The following ZNFX1 variants were observed in gnomAD, a reference collection of about 807,000 sequenced individuals.
ZNFX1 encodes the protein NFX1-type zinc finger-containing protein 1.
Under a neutral mutation model 179.8 loss-of-function variants are expected in ZNFX1, and 78 were observed. The ratio of observed to expected loss-of-function variants is 0.43; its 90% confidence interval spans 0.36 to 0.52. The LOEUF (loss-of-function observed/expected upper bound fraction) is 0.52, where lower values mean the gene tolerates loss of function less well. Ranked by LOEUF, ZNFX1 falls within the 20% of genes least tolerant of loss-of-function variation. ZNFX1 has a pLI of 0.00. For synonymous variants in ZNFX1, 848 were observed against 868.5 expected (o/e 0.98, Z 0.42); for missense variants, 1,927 against 2,386.6 (o/e 0.81, Z 4.01).
intron 5 of ZNFX1, 108 bp downstream of exon 5, chr20:49,264,608 G>T: frequency 7.1e-7 from 1 of 1,402,200 alleles, no homozygotes; most frequent in Non-Finnish European, 9.8e-7. Flanking sequence ...GTCCTCCAGA[G>T]CTTTGAGGAG....
At chr20:49,274,614 C>T (rs1293988713) in intron 2 of ZNFX1, among the ~76,000 whole-genome samples, 1 of 152,066 alleles carries the variant, frequency 6.6e-6, no homozygotes, top group Non-Finnish European at 1.5e-5. Context: ...CGAAAATTAG[C>T]TGGGCATGGT....
In ZNFX1 at chr20:49,252,788, T is replaced by G; in HGVS notation, c.3148A>C (p.Asn1050His). Residue 1050 changes from asparagine to histidine, a missense_variant, in exon 12 of 14, where the codon AAC becomes CAC. Coordinates refer to ENST00000396105, the MANE Select transcript of ZNFX1 (RefSeq NM_021035.3). Reference sequence around the variant, plus strand: ...CGTTCAAAAAGGGACACCTCAAGGTTGAAGTTCTTGGCCAGATCATACACG... The same window carrying G: ...CGTTCAAAAAGGGACACCTCAAGGTGGAAGTTCTTGGCCAGATCATACACG... Reference protein sequence around the residue: ...ANVYDLAKNFNLEVSLFERLV... With the variant: ...ANVYDLAKNFHLEVSLFERLV... The G allele has an allele frequency of 6.2e-7, 1 of 1,614,084 alleles. No homozygotes were observed. The highest frequency in any genetic ancestry group is 8.5e-7 in the Non-Finnish European group (1 of 1,180,012).
chr20:49,276,494 G>A (rs1427632244), intron 1 of ZNFX1, among the ~76,000 whole-genome samples: 1 of 152,212 alleles, frequency 6.6e-6, no homozygotes, highest in Admixed American at 6.5e-5. Flanking sequence ...ATAACCAGGA[G>A]GTTTGGCAAC....
intron 2 of ZNFX1, among the ~76,000 whole-genome samples, chr20:49,272,421 C>T (rs112739912): frequency 3.1e-4 from 47 of 152,212 alleles, no homozygotes; most frequent in African/African-American, 1.1e-3. Flanking sequence ...GTGATCCACC[C>T]GCCTCAGCCT....
Position 49,249,684 on chromosome 20 carries a change from C to T in ZNFX1, c.3340G>A (p.Glu1114Lys). The T allele has an allele frequency of 6.2e-7, 1 of 1,613,012 alleles. No homozygotes were observed. The highest frequency in any genetic ancestry group is 8.5e-7 in the Non-Finnish European group (1 of 1,179,148). Residue 1114 changes from glutamate to lysine, a missense_variant, in exon 14 of 14, where the codon GAA (glutamate) becomes AAA (lysine). Coordinates refer to ENST00000396105, the MANE Select transcript of ZNFX1 (RefSeq NM_021035.3). ...KGVSSNLFFVEHNFPEQEIQE... is the reference protein window; with the variant it reads ...KGVSSNLFFVKHNFPEQEIQE... ...ATTTCCTGTTCAGGAAAGTTGTGTT[C>T]TACAAAGAAAAGGTTGGAAGACACC...
chr20:49,254,674 AAGAAAG>A (rs1232348838), intron 9 of ZNFX1, 25 bp from the exon 10 acceptor site: 2 of 1,609,510 alleles, frequency 1.2e-6, no homozygotes, highest in Non-Finnish European at 1.7e-6. Context: ...GAACCAAGGA[AAGAAAG>A]CCACATGCTC....
At position 49,275,784 on chromosome 20, in the gene ZNFX1, T is replaced by C. The variant is rs775083255; in HGVS notation, c.56A>G (p.His19Arg). 3 of 1,614,188 alleles carry C rather than the reference T, an allele frequency of 1.9e-6. No homozygotes were observed. Among genetic ancestry groups the C allele is most frequent in the Non-Finnish European group, 2.5e-6 (3 of 1,180,010 alleles). ...AGGTAGGAAACCTTGCTTACCTCTGTGGTTGGTATGGGAATTCCTGGGCCT... is the reference window on the plus strand; with the variant it reads ...AGGTAGGAAACCTTGCTTACCTCTGCGGTTGGTATGGGAATTCCTGGGCCT... ...DARPRNSHTNHRGPVDGELPP... is the reference protein window; with the variant it reads ...DARPRNSHTNRRGPVDGELPP... Residue 19 changes from histidine (H) to arginine (R), a missense_variant, in exon 2 of 14, where the codon CAC becomes CGC. Physicochemically the swap from His to Arg is conservative, Grantham distance 29 (BLOSUM62 0). Transcript: ENST00000396105.
intron 3 of ZNFX1, among the ~76,000 whole-genome samples, chr20:49,269,233 C>A (rs238184): frequency 0.68 from 104,152 of 152,124 alleles, 36,595 homozygotes; most frequent in Non-Finnish European, 0.78. Flanking sequence ...GGAGGCCATT[C>A]TCCAAAGCAA....
At chr20:49,265,495 T>C (rs1981213898) in intron 4 of ZNFX1, among the ~76,000 whole-genome samples, 1 of 152,186 alleles carries the variant, frequency 6.6e-6, no homozygotes, top group African/African-American at 2.4e-5. Context: ...GGGGTAGGGA[T>C]CTATTTTTAA....
chr20:49,275,673 TGA>T, intron 2 of ZNFX1, 104 bp downstream of exon 2: 1 of 1,083,162 alleles, frequency 9.2e-7, no homozygotes, highest in Non-Finnish European at 1.4e-6. Context: ...ATTCTTTACT[TGA>T]GAGATGCAGA....
intron 9 of ZNFX1, among the ~76,000 whole-genome samples, chr20:49,255,192 G>A (rs238219): frequency 0.68 from 102,637 of 151,690 alleles, 35,540 homozygotes; most frequent in Non-Finnish European, 0.76. Context: ...TATAGGCACC[G>A]GCCACCACGC....
intron 3 of ZNFX1, among the ~76,000 whole-genome samples, chr20:49,267,413 T>C (rs545780022): frequency 2.6e-5 from 4 of 151,442 alleles, no homozygotes; most frequent in East Asian, 2.0e-4. Context: ...GATCCTCCCA[T>C]CTCAGCCTCC....
chr20:49,266,102 T>C (rs1370330345), intron 4 of ZNFX1, 33 bp downstream of exon 4: 2 of 1,600,412 alleles, frequency 1.2e-6, no homozygotes, highest in Admixed American at 1.8e-5. Flanking sequence ...CATCAACATC[T>C]TGATAGAGAA....
At chr20:49,276,667 T>C (rs978563394) in intron 1 of ZNFX1, among the ~76,000 whole-genome samples, 5 of 152,238 alleles carry the variant, frequency 3.3e-5, no homozygotes, top group Admixed American at 2.6e-4. Flanking sequence ...GGGCTGGGGC[T>C]AAGGAAAGAG....
rs140091422 is a variant in ZNFX1, at chr20:49,248,769, C to T, written c.4255G>A (p.Val1419Met). Reference protein sequence around the residue: ...GHSQPVKCGHVEGLLYGGLLV... With the variant: ...GHSQPVKCGHMEGLLYGGLLV... ...AGACCACCATACAGGAGGCCTTCCA[C>T]ATGACCACATTTTACCGGTTGACTG... is the stretch of plus-strand genomic sequence containing the variant. Residue 1419 changes from valine to methionine, a missense_variant, in exon 14 of 14, where the codon GTG (valine) becomes ATG (methionine). Coordinates refer to ENST00000396105, the MANE Select transcript of ZNFX1 (RefSeq NM_021035.3). This position sits in a 1 kb window ranked among gnomAD's most constrained non-coding sequence, Gnocchi z 4.6. 419 of 1,614,098 alleles carry T rather than the reference C, an allele frequency of 2.6e-4. 1 individual carries two copies. The highest frequency in any genetic ancestry group is 1.5e-3 in the Middle Eastern group (9 of 6,062).
At chr20:49,264,048 C>A (rs549109126) in intron 5 of ZNFX1, among the ~76,000 whole-genome samples, 1 of 152,278 alleles carries the variant, frequency 6.6e-6, no homozygotes, top group African/African-American at 2.4e-5. Context: ...ATGGTGAAAT[C>A]TTGTCTCTAC....
chr20:49,271,044 A>G lies in ZNFX1; in HGVS notation c.768T>C (p.Ser256=), dbSNP rs769332841. ...CCTGCACAGAGCTGGCAGGGAAGACACTTACAAGGTCCTGGAGGAGGGAGA... is the reference window on the plus strand; with the variant it reads ...CCTGCACAGAGCTGGCAGGGAAGACGCTTACAAGGTCCTGGAGGAGGGAGA... ...NIISLLQDLV[S]VFPASSVQET... Residue 256 remains serine (S), a synonymous_variant, in exon 3 of 14, where the codon AGT becomes AGC. Coordinates refer to ENST00000396105, the MANE Select transcript of ZNFX1 (RefSeq NM_021035.3). 3.1e-6 allele frequency: 5 copies of G among 1,614,040 alleles called. No homozygotes were observed. The East Asian group carries it at 6.7e-5, about 22-fold the overall frequency.
Position 49,249,712 on chromosome 20 carries a change from C to T in ZNFX1, c.3313-1G>A. ...CAAAGAAAAGGTTGGAAGACACCCC[C>T]TGACAGGGAAAAGAAGTGACATGTT... On this transcript the variant is annotated splice_acceptor_variant, in intron 13 of 13. Coordinates refer to ENST00000396105, the MANE Select transcript of ZNFX1 (RefSeq NM_021035.3). LOFTEE classifies it high-confidence loss of function. The T allele has an allele frequency of 6.2e-7, 1 of 1,605,992 alleles. No individual in the cohort carries two copies. Among genetic ancestry groups the T allele is most frequent in the Non-Finnish European group, 8.5e-7 (1 of 1,174,902 alleles).
rs772548118 is a variant in ZNFX1, at chr20:49,247,279, C to G, written c.5745G>C (p.Gln1915His). Residue 1915 changes from glutamine to histidine, a missense_variant, in exon 14 of 14, where the codon CAG becomes CAC. Transcript: ENST00000396105. ...GTGTACCATCTTCCTACATCATCCC[C>G]TGGATCTCCTCAAAGTTCATCAGGT... ...ANNLMNFEEI[Q>H]GMM 1 of 1,606,396 alleles carries G rather than the reference C, an allele frequency of 6.2e-7. No individual in the cohort carries two copies. The highest frequency in any genetic ancestry group is 1.7e-4 in the Middle Eastern group (1 of 6,030).
Sources: allele counts gnomAD v4.1 joint callset (sites outside exome capture counted in the v4.1 genomes callset), GRCh38; gene constraint gnomAD v4.1.1; non-coding constraint Gnocchi (gnomAD v3.1); transcripts MANE v1.5; gene names NCBI Gene and HGNC (gene_info 2026-07-23, HGNC 2026-07-21).